CHSY1: variants seen among roughly 807,000 people sequenced by gnomAD.
CHSY1 encodes the protein chondroitin sulfate synthase 1, also known as N-acetylgalactosaminyl-proteoglycan 3-beta-glucuronosyltransferase 1.
A neutral mutation model predicts 59.8 loss-of-function variants in CHSY1; 13 were observed. The observed-to-expected ratio is 0.22, with a 90% CI of 0.14 to 0.35. The LOEUF (loss-of-function observed/expected upper bound fraction) is 0.35, where lower values mean the gene tolerates loss of function less well. Among genes scored for constraint, CHSY1 ranks in the 10% least tolerant of loss-of-function variants. The pLI is 1.00. For missense variants in CHSY1, 947 were observed against 1,030.6 expected, an observed-to-expected ratio of 0.92 and a Z score of 1.11; for synonymous variants, 459 against 401.2, an observed-to-expected ratio of 1.14 and a Z score of -1.72.
At chr15:101,190,584 C>G (rs2038430280) in intron 2 of CHSY1, among the ~76,000 whole-genome samples, 1 of 152,172 alleles carries the variant, frequency 6.6e-6, no homozygotes, top group African/African-American at 2.4e-5. Flanking sequence ...ACACCAAAGA[C>G]ACACTCCATG....
Position 101,178,466 on chromosome 15 carries a change from C to T in CHSY1, c.1331G>A (p.Gly444Glu). The T allele has an allele frequency of 6.2e-7, 1 of 1,614,208 alleles. No individual in the cohort carries two copies. The highest frequency in any genetic ancestry group is 1.3e-5 in the African/African-American group (1 of 75,046). Residue 444 changes from glycine (G) to glutamate (E), a missense_variant, in exon 3 of 3, where the codon GGG (glycine) becomes GAG (glutamate). This residue lies in a region of CHSY1 where 602 missense variants were observed against 676.9 expected (regional missense o/e 0.89). Transcript: ENST00000254190. ...YGYRRVNPMY[G>E]AEYILDLLLL... ...CAGCAGGTCCAGGATGTACTCAGCC[C>T]CATACATGGGGTTCACCCGGCGGTA...
At chr15:101,236,381 T>G (rs975718911) in intron 1 of CHSY1, among the ~76,000 whole-genome samples, 5 of 152,022 alleles carry the variant, frequency 3.3e-5, no homozygotes, top group Non-Finnish European at 7.4e-5. Context: ...CAGGAGTGAG[T>G]CTCATGAGAT....
chr15:101,182,454 G>A (rs913953213), intron 2 of CHSY1, among the ~76,000 whole-genome samples: 1 of 152,190 alleles, frequency 6.6e-6, no homozygotes, highest in South Asian at 2.1e-4. Context: ...TATCACAGTT[G>A]TTTTATACAG....
intron 2 of CHSY1, chr15:101,189,321 C>T (rs537581691): frequency 4.0e-5 from 19 of 480,682 alleles, no homozygotes; most frequent in African/African-American, 3.4e-4. Context: ...CACACACCAG[C>T]GTCACACGTG....
intron 2 of CHSY1, among the ~76,000 whole-genome samples, chr15:101,202,455 G>C (rs2038583161): frequency 1.4e-5 from 1 of 71,726 alleles, no homozygotes; most frequent in Non-Finnish European, 2.4e-5. Context: ...CTGCAGGGAA[G>C]GATGGAGCGC....
chr15:101,187,422 T>A (rs936043100), intron 2 of CHSY1: 1 of 152,190 alleles, frequency 6.6e-6, no homozygotes, highest in African/African-American at 2.4e-5. Flanking sequence ...GAGGGTGCAG[T>A]GAGCCCAGAT....
intron 2 of CHSY1, among the ~76,000 whole-genome samples, chr15:101,196,634 C>T (rs1596436540): frequency 6.6e-6 from 1 of 152,118 alleles, no homozygotes; most frequent in East Asian, 1.9e-4. Flanking sequence ...ACACTAGGAA[C>T]CATATACACT....
chr15:101,225,941 T>C (rs1026179887), intron 2 of CHSY1, among the ~76,000 whole-genome samples: 3 of 152,214 alleles, frequency 2.0e-5, no homozygotes, highest in Admixed American at 6.5e-5. Context: ...GAGAGTGTGC[T>C]AACAGGCTCT....
At chr15:101,223,823 G>A (rs530440875) in intron 2 of CHSY1, among the ~76,000 whole-genome samples, 2 of 151,148 alleles carry the variant, frequency 1.3e-5, no homozygotes, top group African/African-American at 4.9e-5. Context: ...CTGGGACTCA[G>A]GCCTCGTCTA....
chr15:101,239,189 TA>T (rs2038977248), intron 1 of CHSY1, among the ~76,000 whole-genome samples: 1 of 152,254 alleles, frequency 6.6e-6, no homozygotes, highest in Non-Finnish European at 1.5e-5. Flanking sequence ...TAGAGGTCAC[TA>T]AATGTGTGCA....
At chr15:101,188,012 C>G (rs2038392297) in intron 2 of CHSY1, 1 of 985,098 alleles carries the variant, frequency 1.0e-6, no homozygotes, top group Admixed American at 6.1e-5. Flanking sequence ...TCTTCATTAG[C>G]AAATGTCCTT....
chr15:101,250,422 G>A (rs548856439), intron 1 of CHSY1, among the ~76,000 whole-genome samples: 1 of 152,264 alleles, frequency 6.6e-6, no homozygotes, highest in Non-Finnish European at 1.5e-5. Flanking sequence ...TGTTAAACCT[G>A]AACACAATTC....
At chr15:101,236,213 T>G (rs2038940248) in intron 1 of CHSY1, among the ~76,000 whole-genome samples, 1 of 152,168 alleles carries the variant, frequency 6.6e-6, no homozygotes, top group Non-Finnish European at 1.5e-5. Flanking sequence ...ACGAGAGCGC[T>G]GTCATGAGGC....
Position 101,227,533 on chromosome 15 carries a change from G to A in CHSY1, c.816+7549C>T, listed in dbSNP as rs114596667. 4.2e-3 allele frequency among the ~76,000 whole-genome samples: 642 copies of A among 152,322 alleles called. 4 individuals are homozygous for A. The highest frequency in any genetic ancestry group is 0.014 in the African/African-American group (588 of 41,568). On this transcript the variant is annotated intron_variant, in intron 2 of 2. Coordinates refer to ENST00000254190, the MANE Select transcript of CHSY1 (RefSeq NM_014918.5). ...GCTTAAAAAGAAAAGCAGGGAATAA[G>A]ATGCAATATGGGGTTTTGAAAAAGC...
intron 1 of CHSY1, among the ~76,000 whole-genome samples, chr15:101,249,616 C>A (rs928608761): frequency 2.0e-5 from 3 of 147,046 alleles, no homozygotes; most frequent in African/African-American, 7.7e-5. Context: ...TGGGTTCAAG[C>A]GATTCTCCTG....
At chr15:101,185,801 G>A (rs1296607118) in intron 2 of CHSY1, among the ~76,000 whole-genome samples, 1 of 146,006 alleles carries the variant, frequency 6.8e-6, no homozygotes, top group Non-Finnish European at 1.5e-5. Context: ...TTGAGGATGC[G>A]TATTTAAGAG....
intron 2 of CHSY1, among the ~76,000 whole-genome samples, chr15:101,231,660 T>C (rs2038894274): frequency 6.6e-6 from 1 of 152,250 alleles, no homozygotes. Context: ...GCGTGCAGTC[T>C]GTGAAAATCC....
chr15:101,199,102 C>T (rs980564216), intron 2 of CHSY1, among the ~76,000 whole-genome samples: 6 of 152,258 alleles, frequency 3.9e-5, no homozygotes, highest in African/African-American at 9.6e-5. Flanking sequence ...AACCACATGC[C>T]TGACCTGTGC....
intron 2 of CHSY1, among the ~76,000 whole-genome samples, chr15:101,234,786 G>C (rs2038924380): frequency 6.6e-6 from 1 of 152,170 alleles, no homozygotes; most frequent in Non-Finnish European, 1.5e-5. Flanking sequence ...AGAATTGCTT[G>C]AACCCAGGAG....
Sources: allele counts gnomAD v4.1 joint callset (sites outside exome capture counted in the v4.1 genomes callset), GRCh38; gene constraint gnomAD v4.1.1; regional missense constraint gnomAD v4.1.1; transcripts MANE v1.5; gene names NCBI Gene and HGNC (gene_info 2026-07-23, HGNC 2026-07-21).